UNC80: variants seen among roughly 807,000 people sequenced by gnomAD.
UNC80 encodes unc-80 subunit of NALCN channel complex.
UNC80 carries 164 observed loss-of-function variants against 384.6 expected under a neutral mutation model. That is an observed-to-expected ratio of 0.43 (90% CI 0.38 to 0.49). The LOEUF is 0.49. UNC80 is among the 20% of genes least tolerant of loss of function. UNC80 has a pLI of 0.00. For synonymous variants in UNC80, 1,486 were observed against 1,527.8 expected (o/e 0.97, Z 0.64); for missense variants, 3,330 against 4,143.0 (o/e 0.80, Z 5.39).
At position 209,929,909 on chromosome 2, in the gene UNC80, A is replaced by C. The variant is rs952782785; in HGVS notation, c.5845A>C (p.Ile1949Leu). Reference sequence around the variant, plus strand: ...TCAACAAGTCTTATGGAACTGTCTAATTGAAGATCCATCAACGGTTCTTCG... The same window carrying C: ...TCAACAAGTCTTATGGAACTGTCTACTTGAAGATCCATCAACGGTTCTTCG... The part of the protein sequence containing the change: ...VAQQVLWNCL[I>L]EDPSTVLRHF... The change falls in exon 37 of 65, where the codon ATT (isoleucine) becomes CTT (leucine). Residue 1949 changes from isoleucine (I) to leucine (L), a missense_variant. Around this residue, in one of 8 missense-constraint regions of UNC80, gnomAD observed 1,049 missense variants for 1,488.6 expected, o/e 0.70. Transcript: ENST00000673920. The C allele has an allele frequency of 6.5e-7, 1 of 1,537,446 alleles. No individual in the cohort carries two copies. Among genetic ancestry groups the C allele is most frequent in the African/African-American group, 1.4e-5 (1 of 72,000 alleles).
intron 47 of UNC80, among the ~76,000 whole-genome samples, chr2:209,952,428 T>G (rs1228159238): frequency 1.3e-5 from 2 of 152,224 alleles, no homozygotes; most frequent in Non-Finnish European, 2.9e-5. Flanking sequence ...TATTTCACAC[T>G]GCTAGGATCA....
chr2:209,791,819 CAAAAAAAAAAA>C (rs71043949), intron 6 of UNC80, among the ~76,000 whole-genome samples: 574 of 52,172 alleles, frequency 0.011, 7 homozygotes, highest in Non-Finnish European at 0.015. Context: ...GACTCCGTCT[CAAAAAAAAAAA>C]AAAAAAAAAA....
At position 209,817,944 on chromosome 2, in the gene UNC80, T is replaced by A. The variant is rs768044780; in HGVS notation, c.1685T>A (p.Val562Asp). The change falls in exon 11 of 65, where the codon GTC (valine) becomes GAC (aspartate). Residue 562 changes from valine to aspartate, a missense_variant. Around this residue, in one of 8 missense-constraint regions of UNC80, gnomAD observed 937 missense variants for 1,026.8 expected, o/e 0.91. Transcript: ENST00000673920. ...TCCAACAGCCATGGAGAAAACACCG[T>A]CAAGGAAGGTGGGTAGGAGGTGGGG... ...DPSNSHGENT[V>D]KEVRSQISTI... is the part of the protein sequence containing the mutation. 6.4e-7 allele frequency: 1 copy of A among 1,551,508 alleles called. No homozygotes were observed. The highest frequency in any genetic ancestry group is 8.7e-7 in the Non-Finnish European group (1 of 1,146,908).
chr2:209,798,240 A>G (rs975995329), intron 7 of UNC80, among the ~76,000 whole-genome samples: 1 of 152,174 alleles, frequency 6.6e-6, no homozygotes, highest in Non-Finnish European at 1.5e-5. Flanking sequence ...TTGCCCATGC[A>G]TGTGTCCTGA....
intron 7 of UNC80, among the ~76,000 whole-genome samples, chr2:209,804,091 C>G (rs1305499426): frequency 1.3e-5 from 2 of 152,258 alleles, no homozygotes; most frequent in East Asian, 1.9e-4. Flanking sequence ...TTAATCATTA[C>G]TTCCTACTCA....
chr2:209,974,866 G>A (rs941484071), intron 56 of UNC80, among the ~76,000 whole-genome samples: 2 of 152,240 alleles, frequency 1.3e-5, no homozygotes, highest in Admixed American at 1.3e-4. Context: ...TCAGCCAACA[G>A]GCCTAGTAAC....
chr2:209,901,456 AC>A (rs1371660590), intron 28 of UNC80, among the ~76,000 whole-genome samples: 2 of 152,172 alleles, frequency 1.3e-5, no homozygotes, highest in African/African-American at 4.8e-5. Context: ...AGGAAAAAAA[AC>A]AAAAAAAAAT....
In UNC80 at chr2:209,982,253, T is replaced by C; in HGVS notation, c.9193T>C (p.Phe3065Leu). 1 of 1,551,644 alleles carries C rather than the reference T, an allele frequency of 6.4e-7. No individual in the cohort carries two copies. The highest frequency in any genetic ancestry group is 8.7e-7 in the Non-Finnish European group (1 of 1,146,954). The change falls in exon 60 of 65, where the codon TTC (phenylalanine) becomes CTC (leucine). Residue 3065 changes from phenylalanine (F) to leucine (L), a missense_variant. Physicochemically the swap from Phe to Leu is conservative, Grantham distance 22 (BLOSUM62 0). This residue lies in a region of UNC80 where 216 missense variants were observed against 245.3 expected (regional missense o/e 0.88). Coordinates refer to ENST00000673920, the MANE Select transcript of UNC80 (RefSeq NM_001371986.1). ...YLLSAIGRRR[F>L]SSHVSSMSVP... ...CCTGAGTGCCATTGGAAGGAGGCGATTCTCCAGCCATGTCTCCAGCATGTC... is the reference window on the plus strand; with the variant it reads ...CCTGAGTGCCATTGGAAGGAGGCGACTCTCCAGCCATGTCTCCAGCATGTC...
intron 29 of UNC80, among the ~76,000 whole-genome samples, chr2:209,907,185 T>C (rs2088325686): frequency 6.6e-6 from 1 of 151,368 alleles, no homozygotes. Context: ...TTCTTTCAAT[T>C]ATCCATCCAT....
At position 209,813,845 on chromosome 2, in the gene UNC80, A is replaced by G. The variant is rs1574559302; in HGVS notation, c.1200+4A>G. On this transcript the variant is annotated splice_donor_region_variant and intron_variant, in intron 8 of 64. Coordinates refer to ENST00000673920, the MANE Select transcript of UNC80 (RefSeq NM_001371986.1). ...AGTGAACACCCACAAAACCCAAGTA[A>G]GAAAAACCCGGTTCATTGTCATTCA... is the stretch of plus-strand genomic sequence containing the variant. 1 of 1,550,146 alleles carries G rather than the reference A, an allele frequency of 6.5e-7. No homozygotes were observed. Among genetic ancestry groups the G allele is most frequent in the South Asian group, 1.2e-5 (1 of 83,742 alleles).
intron 7 of UNC80, among the ~76,000 whole-genome samples, chr2:209,797,607 T>C (rs1295238414): frequency 6.6e-6 from 1 of 152,248 alleles, no homozygotes; most frequent in Non-Finnish European, 1.5e-5. Context: ...GTGTCTTTGC[T>C]ATTGTAAATA....
chr2:209,865,228 A>T (rs2083642336), intron 22 of UNC80, among the ~76,000 whole-genome samples: 1 of 143,178 alleles, frequency 7.0e-6, no homozygotes, highest in Non-Finnish European at 1.5e-5. Flanking sequence ...CACGTTTATT[A>T]TGTTTTTTTT....
intron 51 of UNC80, among the ~76,000 whole-genome samples, chr2:209,962,508 C>T (rs966496815): frequency 6.6e-6 from 1 of 152,118 alleles, no homozygotes; most frequent in Non-Finnish European, 1.5e-5. Flanking sequence ...TGGCTGGATG[C>T]CTGTTAGTAT....
chr2:209,904,797 C>T lies in UNC80; in HGVS notation c.4614C>T (p.Phe1538=). Residue 1538 remains phenylalanine, a synonymous_variant, in exon 29 of 65, where the codon TTC becomes TTT. Transcript: ENST00000673920. ...TCTTGCTGTGCAATCAGCAGAGTTTCATCTGCACTCACGTTGACTACTGCC... is the reference window on the plus strand; with the variant it reads ...TCTTGCTGTGCAATCAGCAGAGTTTTATCTGCACTCACGTTGACTACTGCC... ...VMILLCNQQS[F]ICTHVDYCHP... 6.4e-7 allele frequency: 1 copy of T among 1,551,992 alleles called. No homozygotes were observed.
intron 47 of UNC80, among the ~76,000 whole-genome samples, chr2:209,949,405 C>G: frequency 6.6e-6 from 1 of 152,142 alleles, no homozygotes; most frequent in East Asian, 1.9e-4. Flanking sequence ...GCTATAGTAT[C>G]AAGGATATGA....
At chr2:209,790,280 C>T (rs6435539) in intron 6 of UNC80, among the ~76,000 whole-genome samples, 147,537 of 152,248 alleles carry the variant, frequency 0.97, 71,663 homozygotes, top group East Asian at 1. Context: ...CAATTCAACA[C>T]GTGCAAAGTG....
intron 13 of UNC80, among the ~76,000 whole-genome samples, chr2:209,822,857 T>A (rs1043702267): frequency 5.9e-5 from 9 of 152,204 alleles, no homozygotes; most frequent in African/African-American, 2.2e-4. Context: ...TTGATCAGTA[T>A]GGGATTTTTA....
In UNC80 at chr2:209,826,030, A is replaced by G; in HGVS notation, c.2455A>G (p.Arg819Gly). 1 of 1,549,742 alleles carries G rather than the reference A, an allele frequency of 6.5e-7. No homozygotes were observed. Among genetic ancestry groups the G allele is most frequent in the South Asian group, 1.2e-5 (1 of 83,682 alleles). ...GHRGLSGDRL[R>G]HQVFRENAQN... ...CCGAGGGCTCTCTGGAGATCGTCTG[A>G]GACACCAGGTATTCCGAGAGAATGT... is the stretch of plus-strand genomic sequence containing the variant. Residue 819 changes from arginine to glycine, a missense_variant, in exon 14 of 65, where the codon AGA becomes GGA. Physicochemically the swap from Arg to Gly is moderately radical, Grantham distance 125. This residue lies in a region of UNC80 where 937 missense variants were observed against 1,026.8 expected (regional missense o/e 0.91). Transcript: ENST00000673920.
At chr2:209,844,788 T>TG (rs144420880) in intron 21 of UNC80, among the ~76,000 whole-genome samples, 15,763 of 150,962 alleles carry the variant, frequency 0.1, 1,007 homozygotes, top group South Asian at 0.27. Context: ...GAGATGGGGG[T>TG]GGGGGGATCT....
Sources: allele counts gnomAD v4.1 joint callset (sites outside exome capture counted in the v4.1 genomes callset), GRCh38; gene constraint gnomAD v4.1.1; regional missense constraint gnomAD v4.1.1; transcripts MANE v1.5; gene names NCBI Gene and HGNC (gene_info 2026-07-23, HGNC 2026-07-21).